The following CHRFAM7A variants were observed in gnomAD, a reference collection of about 807,000 sequenced individuals.
The protein encoded by CHRFAM7A is CHRNA7-FAM7A fusion protein.
Under a neutral mutation model 29.2 loss-of-function variants are expected in CHRFAM7A, and 3 were observed. The ratio of observed to expected loss-of-function variants is 0.10; its 90% CI spans 0.05 to 0.27. The LOEUF (loss-of-function observed/expected upper bound fraction) is 0.27, where lower values mean the gene tolerates loss of function less well. Ranked by LOEUF, CHRFAM7A falls within the 10% of genes least tolerant of loss-of-function variation. The pLI is 1.00. For missense variants in CHRFAM7A, 22 were observed against 328.0 expected (o/e 0.07, Z 7.21); for synonymous variants, 7 against 135.4 (o/e 0.05, Z 6.58).
intron 5 of CHRFAM7A, among the ~76,000 whole-genome samples, chr15:30,375,614 TGTGA>T (rs1241055043): frequency 1.2e-4 from 18 of 148,758 alleles, no homozygotes; most frequent in South Asian, 1.1e-3. Flanking sequence ...GTGAGTCGTG[TGTGA>T]GTGGTGTGTA....
Position 30,365,801 on chromosome 15 carries a change from C to CTTT in CHRFAM7A, c.720+1614_720+1616dup, listed in dbSNP as rs1165285566. On this transcript the variant is annotated intron_variant, in intron 9 of 9. Transcript: ENST00000299847. ...CTTGTGTAATGAGCTACAAGTGAGTCTTTTTTTTTTTTTTTTTTTTTTTTT... is the reference window on the plus strand; with the variant it reads ...CTTGTGTAATGAGCTACAAGTGAGTCTTTTTTTTTTTTTTTTTTTTTTTTTTTT... Among the ~76,000 whole-genome samples the CTTT allele has an allele frequency of 1.6e-4, 12 of 74,242 alleles. 4 individuals are homozygous for CTTT. The highest frequency in any genetic ancestry group is 4.3e-4 in the African/African-American group (7 of 16,156). The allele number at this position is 74,242 out of a possible 152,430, so 48.7% of individuals were successfully genotyped here. A position where few individuals can be genotyped will look rare whatever the true frequency, so the allele number is the denominator to read the frequency against.
rs2058800483 is a variant in CHRFAM7A at position 30,367,403 on chromosome 15, G to A, written c.720+15C>T. ...CAGCGGGGCTCCGACTCCATCGGGG[G>A]TGGGAGGAACGTACCCACTTGGGCA... On this transcript the variant is annotated intron_variant, in intron 9 of 9. Coordinates refer to ENST00000299847, the MANE Select transcript of CHRFAM7A (RefSeq NM_139320.2). 6.2e-7 allele frequency: 1 copy of A among 1,601,298 alleles called. No individual in the cohort carries two copies. The highest frequency in any genetic ancestry group is 8.5e-7 in the Non-Finnish European group (1 of 1,170,700).
In CHRFAM7A at chr15:30,374,083, G is replaced by A. The variant is rs1315881703; in HGVS notation, c.161-938C>T. On this transcript the variant is annotated intron_variant, in intron 5 of 9. Coordinates refer to ENST00000299847, the MANE Select transcript of CHRFAM7A (RefSeq NM_139320.2). ...GTTTCCGCTGAAAAGAGCTATTCCA[G>A]GCTAGGACAGGTTGGAAGTGGATTT... Among the ~76,000 whole-genome samples the A allele has an allele frequency of 5.1e-3, 619 of 121,672 alleles. 7 individuals carry two copies. The highest frequency in any genetic ancestry group is 8.4e-3 in the Non-Finnish European group (496 of 58,742). The allele number at this position is 121,672 out of a possible 152,430, so 79.8% of individuals were successfully genotyped here. A position where few individuals can be genotyped will look rare whatever the true frequency, so the allele number is the denominator to read the frequency against.
At chr15:30,374,773 AAC>A (rs200260103) in intron 5 of CHRFAM7A, among the ~76,000 whole-genome samples, 15,196 of 124,432 alleles carry the variant, frequency 0.12, 35 homozygotes, top group African/African-American at 0.17. Flanking sequence ...TTAAAAAATA[AAC>A]ACATGAAATG....
At chr15:30,377,770 G>T (rs1400616318) in intron 4 of CHRFAM7A, among the ~76,000 whole-genome samples, 1 of 144,780 alleles carries the variant, frequency 6.9e-6, no homozygotes, top group Non-Finnish European at 1.5e-5. Flanking sequence ...AGAGACGGGG[G>T]TTTCACTATG....
chr15:30,376,038 G>A, intron 5 of CHRFAM7A, among the ~76,000 whole-genome samples: 1 of 152,378 alleles, frequency 6.6e-6, no homozygotes, highest in Non-Finnish European at 1.5e-5. Context: ...AGTGGTGTGT[G>A]TGTTGTGTGA....
intron 9 of CHRFAM7A, among the ~76,000 whole-genome samples, chr15:30,365,801 CTTTTTTTTTTTTTTTTTTTTTTTTTT>C (rs1165285566): frequency 1.3e-5 from 1 of 74,248 alleles, no homozygotes; most frequent in Non-Finnish European, 2.4e-5. Context: ...ACAAGTGAGT[CTTTTTTTTTTTTTTTTTTTTTTTTTT>C]TTTTTTTTTT....
At chr15:30,376,086 A>AGTGTGAGTGGTATGAGTGGTGTGAGTG in intron 5 of CHRFAM7A, among the ~76,000 whole-genome samples, 1 of 144,566 alleles carries the variant, frequency 6.9e-6, no homozygotes, top group Admixed American at 6.8e-5. Context: ...TGGTGTGAGT[A>AGTGTGAGTGGTATGAGTGGTGTGAGTG]GTGTGAGTGG....
intron 8 of CHRFAM7A, among the ~76,000 whole-genome samples, 185 bp from the exon 9 acceptor site, chr15:30,367,712 C>T (rs1048323493): frequency 7.1e-6 from 1 of 140,180 alleles, no homozygotes; most frequent in Non-Finnish European, 1.6e-5. Context: ...GACTTCCCGC[C>T]CACGGAGTGA....
In CHRFAM7A at chr15:30,371,813, C is replaced by T. The variant is rs2058862039; in HGVS notation, c.523+334G>A. Among the ~76,000 whole-genome samples, 2 of 140,888 alleles carry T rather than the reference C, an allele frequency of 1.4e-5. 1 individual carries two copies. The highest frequency in any genetic ancestry group is 4.6e-4 in the South Asian group (2 of 4,330). 92.4% of individuals were successfully genotyped at this position (140,888 alleles called of 152,430 possible). ...CTGATACTAAGCTAAATTGTTCCCT[C>T]GATGACCAGTCGCCATTGAGGAACA... On this transcript the variant is annotated intron_variant, in intron 7 of 9. Coordinates refer to ENST00000299847, the MANE Select transcript of CHRFAM7A (RefSeq NM_139320.2).
chr15:30,366,480 C>CGCAGATGTGGCCGGGCACGGTGCCA (rs2058782399), intron 9 of CHRFAM7A, among the ~76,000 whole-genome samples: 1 of 116,830 alleles, frequency 8.6e-6, no homozygotes, highest in African/African-American at 3.6e-5. Flanking sequence ...GGTGAGCATC[C>CGCAGATGTGGCCGGGCACGGTGCCA]GCAGATGTGG....
At chr15:30,367,236 A>C (rs2140865455) in intron 9 of CHRFAM7A, among the ~76,000 whole-genome samples, 182 bp downstream of exon 9, 1 of 151,328 alleles carries the variant, frequency 6.6e-6, no homozygotes, top group Non-Finnish European at 1.5e-5. Flanking sequence ...CAGTGAGCCA[A>C]GATTACACCA....
chr15:30,367,043 G>C (rs1329029034), intron 9 of CHRFAM7A, among the ~76,000 whole-genome samples: 5 of 149,654 alleles, frequency 3.3e-5, no homozygotes, highest in African/African-American at 1.2e-4. Context: ...CAGCACTTTG[G>C]GAGGCTGAGG....
At chr15:30,363,121 G>A (rs1231271336) in intron 9 of CHRFAM7A, among the ~76,000 whole-genome samples, 1 of 151,182 alleles carries the variant, frequency 6.6e-6, no homozygotes, top group African/African-American at 2.5e-5. Context: ...AAGAGGGAAA[G>A]TCAATTTCCC....
intron 5 of CHRFAM7A, among the ~76,000 whole-genome samples, chr15:30,374,441 C>T (rs901723063): frequency 8.6e-6 from 1 of 116,002 alleles, no homozygotes; most frequent in Non-Finnish European, 1.8e-5. Flanking sequence ...TCATCACAGA[C>T]AATCCCCCTC....
intron 9 of CHRFAM7A, 70 bp downstream of exon 9, chr15:30,367,348 A>G (rs1394814988): frequency 3.9e-6 from 6 of 1,541,332 alleles, no homozygotes; most frequent in Non-Finnish European, 2.6e-6. Context: ...GTGTGATTTT[A>G]AAAATAAACC....
chr15:30,367,173 C>G (rs1284199718), intron 9 of CHRFAM7A, among the ~76,000 whole-genome samples: 1 of 151,030 alleles, frequency 6.6e-6, no homozygotes. Flanking sequence ...GTAGTCCCAG[C>G]TACTTGGGAG....
At position 30,361,985 on chromosome 15, in the gene CHRFAM7A, C is replaced by CCGTAT; in HGVS notation, c.*307_*308insATACG. 0.033 allele frequency: 157 copies of CCGTAT among 4,744 alleles called. No homozygotes were observed. Among genetic ancestry groups the CCGTAT allele is most frequent in the Non-Finnish European group, 0.057 (124 of 2,194 alleles). 0.3% of individuals were successfully genotyped at this position (4,744 alleles called of 1,614,324 possible). On this transcript the variant is annotated 3_prime_UTR_variant, in exon 10 of 10. Coordinates refer to ENST00000299847, the MANE Select transcript of CHRFAM7A (RefSeq NM_139320.2). ...AACCAACTGTCTCGGTGGTGAGGAG[C>CCGTAT]CATGGGGAGCTCTCCGAAGGGCTTT... is the stretch of plus-strand genomic sequence containing the variant.
At chr15:30,392,289 TC>T (rs1283510228) in intron 1 of CHRFAM7A, among the ~76,000 whole-genome samples, 4 of 18,440 alleles carry the variant, frequency 2.2e-4, no homozygotes, top group Non-Finnish European at 6.5e-4. Context: ...GGTCAGGAGA[TC>T]AAGACCATGC....
Sources: allele counts gnomAD v4.1 joint callset (sites outside exome capture counted in the v4.1 genomes callset), GRCh38; gene constraint gnomAD v4.1.1; transcripts MANE v1.5; gene names NCBI Gene and HGNC (gene_info 2026-07-23, HGNC 2026-07-21).